PIK3CB: variants seen among roughly 807,000 people sequenced by gnomAD.
The protein encoded by PIK3CB is phosphatidylinositol-4,5-bisphosphate 3-kinase catalytic subunit beta.
PIK3CB carries 39 observed loss-of-function variants against 136.8 expected under a neutral mutation model. That is an observed-to-expected ratio of 0.29 (90% CI 0.22 to 0.37). The LOEUF (loss-of-function observed/expected upper bound fraction) is 0.37. Among genes scored for constraint, PIK3CB ranks in the 10% least tolerant of loss-of-function variants. The pLI is 1.00. For synonymous variants in PIK3CB, 428 were observed against 436.6 expected (o/e 0.98, Z 0.25); for missense variants, 868 against 1,275.4 (o/e 0.68, Z 4.87).
intron 15 of PIK3CB, among the ~76,000 whole-genome samples, chr3:138,690,768 A>T (rs146953250): frequency 6.6e-6 from 1 of 151,966 alleles, no homozygotes; most frequent in Non-Finnish European, 1.5e-5. Flanking sequence ...GAAATCAAGC[A>T]GGCATGGAGG....
At chr3:138,825,048 G>T in intron 1 of PIK3CB, 1 of 235,690 alleles carries the variant, frequency 4.2e-6, no homozygotes, top group South Asian at 7.9e-5. Context: ...GTGACAGAGT[G>T]AGACCCTGTC....
At chr3:138,725,697 A>G (rs1407550659) in intron 8 of PIK3CB, among the ~76,000 whole-genome samples, 1 of 151,892 alleles carries the variant, frequency 6.6e-6, no homozygotes, top group Non-Finnish European at 1.5e-5. Context: ...ATTCTTCCTT[A>G]TATCTTCTAT....
At chr3:138,745,449 A>G (rs2045334230) in intron 4 of PIK3CB, among the ~76,000 whole-genome samples, 1 of 152,152 alleles carries the variant, frequency 6.6e-6, no homozygotes, top group Non-Finnish European at 1.5e-5. Flanking sequence ...CCTGGCCAAC[A>G]TGGGGAAACC....
intron 16 of PIK3CB, among the ~76,000 whole-genome samples, chr3:138,685,855 G>A (rs537382147): frequency 6.8e-4 from 103 of 152,134 alleles, no homozygotes; most frequent in African/African-American, 2.4e-3. Flanking sequence ...TTCAACTTTA[G>A]GCTGGGTGTG....
intron 19 of PIK3CB, among the ~76,000 whole-genome samples, chr3:138,679,471 A>G (rs944507378): frequency 6.6e-6 from 1 of 152,174 alleles, no homozygotes; most frequent in Non-Finnish European, 1.5e-5. Flanking sequence ...GTAATTTTAA[A>G]TAGTTCAGGA....
rs767333007 is a variant in PIK3CB at position 138,733,321 on chromosome 3, C to A, written c.1050+40G>T. On this transcript the variant is annotated intron_variant, in intron 8 of 23. Coordinates refer to ENST00000674063, the MANE Select transcript of PIK3CB (RefSeq NM_006219.3). ...AGCATATCAGTGAGTTATTCAAATA[C>A]TGGAGCGGATGGCAAATTCAAATCT... The A allele has an allele frequency of 5.6e-6, 5 of 900,836 alleles. No homozygotes were observed. In the African/African-American group the frequency reaches 8.3e-5, roughly 15 times the overall value. 55.8% of individuals were successfully genotyped at this position (900,836 alleles called of 1,614,324 possible). A position where few individuals can be genotyped will look rare whatever the true frequency, so the allele number is the denominator to read the frequency against.
chr3:138,765,626 T>G (rs2045723085), intron 2 of PIK3CB, among the ~76,000 whole-genome samples: 1 of 149,712 alleles, frequency 6.7e-6, no homozygotes, highest in African/African-American at 2.5e-5. Flanking sequence ...GGGGATCACT[T>G]GAGCACATGA....
chr3:138,771,246 G>T, intron 2 of PIK3CB, among the ~76,000 whole-genome samples: 1 of 132,374 alleles, frequency 7.6e-6, no homozygotes, highest in Non-Finnish European at 1.6e-5. Flanking sequence ...TTTTTGAGAC[G>T]GAGTCTCGCT....
At chr3:138,696,499 T>C (rs978527169) in intron 13 of PIK3CB, among the ~76,000 whole-genome samples, 1 of 152,194 alleles carries the variant, frequency 6.6e-6, no homozygotes, top group African/African-American at 2.4e-5. Flanking sequence ...ATTTTAACTT[T>C]AAACTTAAGT....
chr3:138,695,261 T>C (rs1328215899), intron 13 of PIK3CB, among the ~76,000 whole-genome samples: 1 of 152,184 alleles, frequency 6.6e-6, no homozygotes, highest in Non-Finnish European at 1.5e-5. Context: ...ATCACCTAAG[T>C]ACCACTGACA....
chr3:138,795,512 T>C (rs1210378268), intron 2 of PIK3CB, among the ~76,000 whole-genome samples: 1 of 152,006 alleles, frequency 6.6e-6, no homozygotes, highest in African/African-American at 2.4e-5. Context: ...ACGCCTGTAG[T>C]CCCAGCTACT....
intron 2 of PIK3CB, among the ~76,000 whole-genome samples, chr3:138,781,748 C>G (rs1324566289): frequency 5.3e-5 from 8 of 152,084 alleles, no homozygotes; most frequent in African/African-American, 1.9e-4. Context: ...TGCCACCGTG[C>G]CCGGCCCAAA....
At chr3:138,700,603 G>A (rs1490127788) in intron 12 of PIK3CB, among the ~76,000 whole-genome samples, 1 of 151,544 alleles carries the variant, frequency 6.6e-6, no homozygotes, top group African/African-American at 2.4e-5. Context: ...AGAGATGAAT[G>A]GGGGAGAAGA....
At chr3:138,691,595 G>C (rs975381200) in intron 14 of PIK3CB, among the ~76,000 whole-genome samples, 1 of 152,096 alleles carries the variant, frequency 6.6e-6, no homozygotes, top group Admixed American at 6.6e-5. Flanking sequence ...CCCTTTTCCT[G>C]CCACCTTGTG....
intron 11 of PIK3CB, among the ~76,000 whole-genome samples, chr3:138,705,191 A>AAC (rs2044350105): frequency 1.1e-5 from 1 of 93,518 alleles, no homozygotes; most frequent in East Asian, 3.7e-4. Context: ...CAAAACAAAC[A>AAC]AAAAAAAAAA....
rs1174984399 is a variant in PIK3CB, at chr3:138,714,505, G to A, written c.1265C>T (p.Pro422Leu). 3 of 1,610,074 alleles carry A rather than the reference G, an allele frequency of 1.9e-6. No homozygotes were observed. Among genetic ancestry groups the A allele is most frequent in the Non-Finnish European group, 1.7e-6 (2 of 1,176,972 alleles). The stretch of plus-strand genomic sequence containing the variant: ...TTTCCTGATGGTCTGATATTTAGAG[G>A]GATTAATAGTTTTCGTTGATTTCTT... ...KTKKSTKTIN[P>L]SKYQTIRKAG... Residue 422 changes from proline to leucine, a missense_variant, in exon 9 of 24, where the codon CCC becomes CTC. Physicochemically the swap from Pro to Leu is moderately conservative, Grantham distance 98. Transcript: ENST00000674063.
intron 8 of PIK3CB, among the ~76,000 whole-genome samples, chr3:138,723,537 G>A (rs552747579): frequency 3.3e-5 from 5 of 152,208 alleles, no homozygotes; most frequent in South Asian, 2.1e-4. Context: ...GTGACAGAGC[G>A]AGACCCCGTC....
chr3:138,746,168 C>T (rs1220727176), intron 4 of PIK3CB, among the ~76,000 whole-genome samples: 1 of 151,726 alleles, frequency 6.6e-6, no homozygotes, highest in Non-Finnish European at 1.5e-5. Context: ...ATCACTTGAG[C>T]CCAGGAGGGC....
At chr3:138,749,583 CTAG>C in intron 4 of PIK3CB, among the ~76,000 whole-genome samples, 1 of 152,194 alleles carries the variant, frequency 6.6e-6, no homozygotes, top group East Asian at 1.9e-4. Flanking sequence ...GGCTGCCTCT[CTAG>C]TCTTTCCTAG....
Sources: gnomAD v4.1 joint callset for allele counts (sites outside exome capture counted in the v4.1 genomes callset) on GRCh38, gnomAD v4.1.1 for gene constraint, MANE v1.5 for transcripts, NCBI Gene and HGNC (gene_info 2026-07-23, HGNC 2026-07-21) for gene names.